Variants in TSPAN11 observed in about 807,000 individuals in gnomAD.
The protein encoded by TSPAN11 is tetraspanin-11.
Under a neutral mutation model 32.9 loss-of-function variants are expected in TSPAN11, and 29 were observed. The observed-to-expected ratio is 0.88, with a 90% CI of 0.66 to 1.20. The LOEUF is 1.20. TSPAN11 is among the 50% of genes most tolerant of loss of function. TSPAN11 has a pLI of 0.00. For missense variants in TSPAN11, 283 were observed against 329.1 expected (o/e 0.86, Z 1.08); for synonymous variants, 140 against 141.3 (o/e 0.99, Z 0.07).
intron 1 of TSPAN11, among the ~76,000 whole-genome samples, chr12:30,931,102 C>T (rs1465176009): frequency 6.6e-6 from 1 of 152,112 alleles, no homozygotes; most frequent in African/African-American, 2.4e-5. Flanking sequence ...TGGGATAAAC[C>T]CCCCAGTGGT....
chr12:30,956,794 G>A (rs1031371788), intron 2 of TSPAN11, among the ~76,000 whole-genome samples: 1 of 152,182 alleles, frequency 6.6e-6, no homozygotes, highest in Non-Finnish European at 1.5e-5. Context: ...TTATTCAGCT[G>A]CTTGGCTGTG....
chr12:30,957,091 A>C (rs1371243712), intron 2 of TSPAN11, among the ~76,000 whole-genome samples: 1 of 152,210 alleles, frequency 6.6e-6, no homozygotes, highest in Non-Finnish European at 1.5e-5. Flanking sequence ...CCTTCTGCCG[A>C]GTCTCAAAGC....
intron 1 of TSPAN11, among the ~76,000 whole-genome samples, chr12:30,946,776 A>G (rs920857512): frequency 4.6e-5 from 7 of 152,192 alleles, no homozygotes; most frequent in Non-Finnish European, 8.8e-5. Flanking sequence ...TCAGAGGCCA[A>G]AGAAAAGACC....
chr12:30,990,259 G>A (rs1366335529), intron 7 of TSPAN11, among the ~76,000 whole-genome samples: 4 of 152,184 alleles, frequency 2.6e-5, no homozygotes, highest in East Asian at 1.9e-4. Context: ...CCCAGCTCAC[G>A]CAGGAGCCTG....
chr12:30,984,054 T>C (rs1368026170), intron 7 of TSPAN11, among the ~76,000 whole-genome samples: 1 of 152,056 alleles, frequency 6.6e-6, no homozygotes, highest in Non-Finnish European at 1.5e-5. Flanking sequence ...TAGTCAAGGG[T>C]CCGAAGGAGG....
chr12:30,978,668 T>TCATGA (rs1173288481), intron 4 of TSPAN11, 33 bp downstream of exon 4: 2 of 1,608,198 alleles, frequency 1.2e-6, no homozygotes, highest in South Asian at 2.2e-5. Flanking sequence ...GCATCCTCTG[T>TCATGA]CAGTGTCCTG....
At chr12:30,978,524 G>A (rs1565801746) in intron 3 of TSPAN11, 37 bp from the exon 4 acceptor site, 22 of 1,607,512 alleles carry the variant, frequency 1.4e-5, no homozygotes, top group South Asian at 3.3e-5. Flanking sequence ...GCAGCAACCC[G>A]ATCCCAGTGG....
chr12:30,968,050 A>G (rs1326007812), intron 3 of TSPAN11, among the ~76,000 whole-genome samples: 1 of 152,196 alleles, frequency 6.6e-6, no homozygotes, highest in African/African-American at 2.4e-5. Flanking sequence ...AAGGCAGTGT[A>G]AAAGTGCTGT....
chr12:31,009,299 GA>G, the TSPAN11 span, among the ~76,000 whole-genome samples: 3 of 152,130 alleles, frequency 2.0e-5, no homozygotes, highest in African/African-American at 7.2e-5. Context: ...CAGGCCTGCC[GA>G]CCCCCTATTG....
At chr12:30,978,850 T>A (rs1419466337) in intron 4 of TSPAN11, 12 of 557,658 alleles carry the variant, frequency 2.2e-5, no homozygotes, top group Non-Finnish European at 3.5e-5. Context: ...GTCTTCCACA[T>A]GGGAGCTGGG....
chr12:30,929,550 C>G (rs1937873919), intron 1 of TSPAN11, among the ~76,000 whole-genome samples: 1 of 152,114 alleles, frequency 6.6e-6, no homozygotes. Context: ...TTGAGAGCTA[C>G]CTATCTAGGG....
intron 1 of TSPAN11, among the ~76,000 whole-genome samples, chr12:30,927,337 G>A (rs1937821183): frequency 6.6e-6 from 1 of 152,202 alleles, no homozygotes; most frequent in South Asian, 2.1e-4. Context: ...CTGTGTTTTC[G>A]TGCCCATCCC....
chr12:30,979,737 C>A, intron 5 of TSPAN11, 67 bp downstream of exon 5: 1 of 1,543,336 alleles, frequency 6.5e-7, no homozygotes, highest in Admixed American at 1.7e-5. Context: ...CTGTTCTTTC[C>A]TTTCTGGGTG....
At chr12:30,951,196 A>G (rs1938374870) in intron 1 of TSPAN11, among the ~76,000 whole-genome samples, 1 of 152,210 alleles carries the variant, frequency 6.6e-6, no homozygotes, top group South Asian at 2.1e-4. Context: ...CATATATCAA[A>G]AAATGATCCT....
chr12:31,012,275 G>C, the TSPAN11 span, among the ~76,000 whole-genome samples: 4 of 152,218 alleles, frequency 2.6e-5, no homozygotes, highest in South Asian at 8.3e-4. Context: ...TGGGGAGGCT[G>C]GCGCCAGAGC....
chr12:31,015,071 A>G, the TSPAN11 span, among the ~76,000 whole-genome samples: 3 of 152,218 alleles, frequency 2.0e-5, no homozygotes, highest in Non-Finnish European at 4.4e-5. This position sits in a 1 kb window ranked among gnomAD's most constrained non-coding sequence, Gnocchi z 4.9. Context: ...CTTTTAATGC[A>G]TTACATAAAC....
intron 1 of TSPAN11, among the ~76,000 whole-genome samples, chr12:30,940,688 A>G (rs935691473): frequency 6.6e-6 from 1 of 152,136 alleles, no homozygotes; most frequent in African/African-American, 2.4e-5. Flanking sequence ...CTCTTCTGTA[A>G]CATGCGGACA....
chr12:30,939,418 A>G (rs950230903), intron 1 of TSPAN11, among the ~76,000 whole-genome samples: 1 of 152,186 alleles, frequency 6.6e-6, no homozygotes, highest in Admixed American at 6.5e-5. Flanking sequence ...TCTCAAGGCC[A>G]TAAAACACCT....
intron 2 of TSPAN11, among the ~76,000 whole-genome samples, chr12:30,963,129 T>C (rs961667976): frequency 6.6e-6 from 1 of 152,156 alleles, no homozygotes; most frequent in African/African-American, 2.4e-5. Flanking sequence ...AAAAAGTTTC[T>C]CCTCCTGCAG....
Sources: gnomAD v4.1 joint callset for allele counts (sites outside exome capture counted in the v4.1 genomes callset) on GRCh38, gnomAD v4.1.1 for gene constraint, Gnocchi (gnomAD v3.1) non-coding constraint, MANE v1.5 for transcripts, NCBI Gene and HGNC (gene_info 2026-07-23, HGNC 2026-07-21) for gene names.